The following EPB41L4A variants were observed in gnomAD, a reference collection of about 807,000 sequenced individuals.
The protein encoded by EPB41L4A is band 4.1-like protein 4A.
EPB41L4A carries 100 observed loss-of-function variants against 108.6 expected under a neutral mutation model. The ratio of observed to expected loss-of-function variants is 0.92; its 90% CI spans 0.78 to 1.09. EPB41L4A has a LOEUF of 1.09. Among genes scored for constraint, EPB41L4A ranks in the 50% least tolerant of loss-of-function variants. The pLI is 0.00. For synonymous variants in EPB41L4A, 319 were observed against 289.0 expected (o/e 1.10, Z -1.05); for missense variants, 1,030 against 842.7 (o/e 1.22, Z -2.75).
At chr5:112,348,438 T>A (rs1271420148) in intron 1 of EPB41L4A, among the ~76,000 whole-genome samples, 1 of 152,214 alleles carries the variant, frequency 6.6e-6, no homozygotes, top group Non-Finnish European at 1.5e-5. Context: ...CAAAACCTAC[T>A]TTATGGGAAG....
At chr5:112,258,875 G>C (rs2150434529) in intron 9 of EPB41L4A, among the ~76,000 whole-genome samples, 1 of 152,274 alleles carries the variant, frequency 6.6e-6, no homozygotes, top group South Asian at 2.1e-4. Flanking sequence ...AATGCATTTT[G>C]GCAGTCCTGA....
chr5:112,159,447 A>G (rs751104996), downstream of EPB41L4A, among the ~76,000 whole-genome samples: 1 of 152,182 alleles, frequency 6.6e-6, no homozygotes, highest in Non-Finnish European at 1.5e-5. Context: ...ATCAGGAAAA[A>G]AGCCAATTAA....
chr5:112,229,781 G>A (rs1250792338), intron 12 of EPB41L4A, among the ~76,000 whole-genome samples: 1 of 152,114 alleles, frequency 6.6e-6, no homozygotes, highest in Non-Finnish European at 1.5e-5. Context: ...GAGGCCAGGA[G>A]ATCAAGACCA....
chr5:112,286,980 C>T (rs1438656866), intron 2 of EPB41L4A, among the ~76,000 whole-genome samples: 1 of 152,148 alleles, frequency 6.6e-6, no homozygotes, highest in Non-Finnish European at 1.5e-5. Context: ...ATACGTCACA[C>T]GCTTCTAGGA....
intron 3 of EPB41L4A, 146 bp from the exon 4 acceptor site, chr5:112,275,550 C>T (rs1416951016): frequency 1.9e-6 from 2 of 1,031,928 alleles, no homozygotes; most frequent in African/African-American, 3.3e-5. Flanking sequence ...AGGTTCAGAA[C>T]TGTGACGATA....
At chr5:112,193,093 T>C (rs1314843193) in intron 17 of EPB41L4A, among the ~76,000 whole-genome samples, 1 of 152,222 alleles carries the variant, frequency 6.6e-6, no homozygotes, top group African/African-American at 2.4e-5. Flanking sequence ...CCCATCTGTC[T>C]AGTGTAATTC....
At chr5:112,275,165 CT>C in intron 4 of EPB41L4A, 160 bp downstream of exon 4, 1 of 863,304 alleles carries the variant, frequency 1.2e-6, no homozygotes, top group Non-Finnish European at 1.7e-6. Flanking sequence ...CACTGATCAA[CT>C]TCATGCAATG....
intron 20 of EPB41L4A, 49 bp downstream of exon 20, chr5:112,170,252 T>A (rs780066807): frequency 6.4e-7 from 1 of 1,557,754 alleles, no homozygotes; most frequent in Non-Finnish European, 8.8e-7. Flanking sequence ...AATGGATTAC[T>A]CACAAGCACT....
chr5:112,145,866 C>A (rs1294372368), intron 13 of EPB41L4A: 1 of 453,278 alleles, frequency 2.2e-6, no homozygotes, highest in Non-Finnish European at 4.4e-6. Flanking sequence ...TATCAATATA[C>A]ATAATTACAC....
At chr5:112,398,539 C>G (rs1021772280) in intron 1 of EPB41L4A, among the ~76,000 whole-genome samples, 2 of 152,160 alleles carry the variant, frequency 1.3e-5, no homozygotes, top group Non-Finnish European at 2.9e-5. Flanking sequence ...CAGGCATGCA[C>G]CACCACACCC....
intron 2 of EPB41L4A, among the ~76,000 whole-genome samples, chr5:112,288,686 T>C (rs1442191199): frequency 6.6e-6 from 1 of 152,198 alleles, no homozygotes; most frequent in African/African-American, 2.4e-5. Context: ...CCTATGCATG[T>C]TCCACCACTG....
At position 112,338,177 on chromosome 5, in the gene EPB41L4A, A is replaced by T. The variant is rs528721362; in HGVS notation, c.100-30687T>A. 1.8e-4 allele frequency among the ~76,000 whole-genome samples: 28 copies of T among 152,280 alleles called. No homozygotes were observed. The South Asian group carries it at 5.6e-3, about 30-fold the overall frequency. On this transcript the variant is annotated intron_variant, in intron 1 of 22. Coordinates refer to ENST00000261486, the MANE Select transcript of EPB41L4A (RefSeq NM_022140.5). The stretch of plus-strand genomic sequence containing the variant: ...TACAGTGAAATTCCTCTGGCATGAC[A>T]TTTGAAGCTGACTTTACTAATCTCA...
chr5:112,368,980 G>A (rs903437411), intron 1 of EPB41L4A, among the ~76,000 whole-genome samples: 2 of 152,292 alleles, frequency 1.3e-5, no homozygotes, highest in South Asian at 2.1e-4. Context: ...GGAGCAGAAA[G>A]TTGTATCTCC....
At chr5:112,365,456 C>T (rs1408025425) in intron 1 of EPB41L4A, among the ~76,000 whole-genome samples, 3 of 149,684 alleles carry the variant, frequency 2.0e-5, no homozygotes, top group African/African-American at 7.5e-5. Context: ...AATATCAACT[C>T]CCCTAGACAC....
intron 1 of EPB41L4A, among the ~76,000 whole-genome samples, chr5:112,389,469 A>G (rs1432105087): frequency 1.3e-5 from 2 of 152,166 alleles, no homozygotes; most frequent in Non-Finnish European, 1.5e-5. Flanking sequence ...AAAACGGCCA[A>G]TTTCTCAAAT....
intron 7 of EPB41L4A, among the ~76,000 whole-genome samples, chr5:112,261,111 A>G (rs1366766585): frequency 6.6e-6 from 1 of 152,234 alleles, no homozygotes; most frequent in African/African-American, 2.4e-5. Flanking sequence ...GTAAAACGAT[A>G]ATGATTCTAC....
At chr5:112,260,099 T>C (rs1361251060) in intron 7 of EPB41L4A, 120 bp from the exon 8 acceptor site, 2 of 757,478 alleles carry the variant, frequency 2.6e-6, no homozygotes, top group African/African-American at 3.5e-5. Flanking sequence ...TTGAAAGACA[T>C]CAGCCTAGAA....
chr5:112,212,693 G>A (rs748347188), intron 12 of EPB41L4A, among the ~76,000 whole-genome samples: 20 of 152,134 alleles, frequency 1.3e-4, no homozygotes, highest in Non-Finnish European at 2.6e-4. Context: ...ATGAAAAGGA[G>A]CTTCATGTCC....
rs540989194 is a variant in EPB41L4A at position 112,264,866 on chromosome 5, T to C, written c.554+30A>G. ...TCAGAAGATGATGACTGATGGATGA[T>C]GCAATAAGACATGGTGTAATGATTC... On this transcript the variant is annotated intron_variant, in intron 6 of 22. Transcript: ENST00000261486. 2.1e-5 allele frequency: 33 copies of C among 1,597,248 alleles called. No homozygotes were observed. The African/African-American group carries it at 3.6e-4, about 18-fold the overall frequency.
Sources: allele counts gnomAD v4.1 joint callset (sites outside exome capture counted in the v4.1 genomes callset), GRCh38; gene constraint gnomAD v4.1.1; transcripts MANE v1.5; gene names NCBI Gene and HGNC (gene_info 2026-07-23, HGNC 2026-07-21).